The following WDR70 variants were observed in gnomAD, a reference collection of about 807,000 sequenced individuals.
WDR70 encodes WD repeat domain 70.
A neutral mutation model predicts 88.6 loss-of-function variants in WDR70; 53 were observed. The ratio of observed to expected loss-of-function variants is 0.60; its 90% CI spans 0.48 to 0.75. WDR70 has a LOEUF of 0.75. WDR70 is among the 30% of genes least tolerant of loss of function. The pLI is 0.00. For missense variants in WDR70, 610 were observed against 823.2 expected, an observed-to-expected ratio of 0.74 and a Z score of 3.17; for synonymous variants, 280 against 270.0, an observed-to-expected ratio of 1.04 and a Z score of -0.36.
intron 8 of WDR70, among the ~76,000 whole-genome samples, chr5:37,504,885 T>C (rs1337244776): frequency 6.6e-6 from 1 of 152,184 alleles, no homozygotes; most frequent in Non-Finnish European, 1.5e-5. Context: ...GGGGTAGATA[T>C]AAGGACACCA....
intron 9 of WDR70, among the ~76,000 whole-genome samples, chr5:37,538,221 T>G (rs1741718645): frequency 6.6e-6 from 1 of 152,216 alleles, no homozygotes; most frequent in South Asian, 2.1e-4. Flanking sequence ...ATTCTTGCTT[T>G]CTATCTCTCC....
intron 10 of WDR70, among the ~76,000 whole-genome samples, chr5:37,635,567 A>T (rs1241807125): frequency 1.3e-5 from 2 of 152,210 alleles, no homozygotes; most frequent in East Asian, 1.9e-4. Context: ...GTGAATTTTT[A>T]AAAATAGATA....
At chr5:37,612,183 G>A (rs953691892) in intron 10 of WDR70, among the ~76,000 whole-genome samples, 3 of 151,882 alleles carry the variant, frequency 2.0e-5, no homozygotes, top group African/African-American at 4.8e-5. Context: ...AATGTTTCTG[G>A]TATCTTTGAG....
chr5:37,452,261 A>G (rs1738698820), intron 7 of WDR70, among the ~76,000 whole-genome samples: 1 of 146,942 alleles, frequency 6.8e-6, no homozygotes, highest in Non-Finnish European at 1.5e-5. Flanking sequence ...CTTTATTTTG[A>G]GACTGATTTT....
At chr5:37,453,032 AG>A (rs1188364892) in intron 7 of WDR70, among the ~76,000 whole-genome samples, 1 of 152,256 alleles carries the variant, frequency 6.6e-6, no homozygotes, top group Non-Finnish European at 1.5e-5. Context: ...CACTTTAAAA[AG>A]ACTGACATTA....
chr5:37,639,027 C>T (rs756551610), intron 10 of WDR70, among the ~76,000 whole-genome samples: 1 of 151,906 alleles, frequency 6.6e-6, no homozygotes, highest in Non-Finnish European at 1.5e-5. Flanking sequence ...CACTGGCTGC[C>T]CAAGGGATGA....
intron 9 of WDR70, among the ~76,000 whole-genome samples, chr5:37,603,777 T>G (rs1443349322): frequency 6.6e-6 from 1 of 152,236 alleles, no homozygotes; most frequent in Non-Finnish European, 1.5e-5. Context: ...GATAGAATTT[T>G]TCATTGTATC....
intron 9 of WDR70, among the ~76,000 whole-genome samples, chr5:37,572,808 A>C (rs1742946225): frequency 6.6e-6 from 1 of 152,204 alleles, no homozygotes. Context: ...TTTTCTAAAA[A>C]TCACAAATCA....
intron 9 of WDR70, among the ~76,000 whole-genome samples, chr5:37,599,278 TA>T (rs1395264571): frequency 6.6e-5 from 10 of 152,222 alleles, no homozygotes; most frequent in Admixed American, 6.5e-4. Context: ...ACACAATTTT[TA>T]TACATGTACA....
chr5:37,633,123 A>G (rs1744864625), intron 10 of WDR70, among the ~76,000 whole-genome samples: 1 of 152,182 alleles, frequency 6.6e-6, no homozygotes, highest in South Asian at 2.1e-4. Context: ...ACACTCTGTG[A>G]TGTTCACATA....
Position 37,677,424 on chromosome 5 carries a change from G to A in WDR70, c.1093-20231G>A, listed in dbSNP as rs141131694. Among the ~76,000 whole-genome samples the A allele has an allele frequency of 8.3e-3, 1,262 of 152,170 alleles. 13 individuals carry two copies. The highest frequency in any genetic ancestry group is 0.01 in the Non-Finnish European group (690 of 68,016). On this transcript the variant is annotated intron_variant, in intron 10 of 17. Transcript: ENST00000265107. Reference sequence around the variant, plus strand: ...GCTTTGAATGTGTCCCAGAGATTCCGGTATGTTGTCTCTTTGTTCTCATTG... The same window carrying A: ...GCTTTGAATGTGTCCCAGAGATTCCAGTATGTTGTCTCTTTGTTCTCATTG...
In WDR70 at chr5:37,482,948, G is replaced by A. The variant is rs558875649; in HGVS notation, c.840+2961G>A. 2.9e-4 allele frequency among the ~76,000 whole-genome samples: 44 copies of A among 152,238 alleles called. 1 individual carries two copies. The South Asian group carries it at 9.1e-3, about 32-fold the overall frequency. ...TACAGTCCCAGCTACTTGGAAGGCT[G>A]AGGCAGGAGGATTGCTTGATCCCAG... On this transcript the variant is annotated intron_variant, in intron 8 of 17. Coordinates refer to ENST00000265107, the MANE Select transcript of WDR70 (RefSeq NM_018034.4).
At chr5:37,515,902 A>G (rs1284478271) in intron 8 of WDR70, among the ~76,000 whole-genome samples, 1 of 152,228 alleles carries the variant, frequency 6.6e-6, no homozygotes, top group East Asian at 1.9e-4. Context: ...TGTATATGTC[A>G]GTTTACGTAT....
At position 37,600,941 on chromosome 5, in the gene WDR70, G is replaced by A. The variant is rs553796997; in HGVS notation, c.918-4123G>A. ...TTTTTGTTTTTGCTTTTTTGTTTTGGTAGAGTCTTTAGAGTTTTCTGTATG... is the reference window on the plus strand; with the variant it reads ...TTTTTGTTTTTGCTTTTTTGTTTTGATAGAGTCTTTAGAGTTTTCTGTATG... On this transcript the variant is annotated intron_variant, in intron 9 of 17. Transcript: ENST00000265107. Among the ~76,000 whole-genome samples, 9 of 152,112 alleles carry A rather than the reference G, an allele frequency of 5.9e-5. No homozygotes were observed. In the East Asian group the frequency reaches 1.5e-3, roughly 26 times the overall value.
At chr5:37,551,821 A>G (rs1232291639) in intron 9 of WDR70, among the ~76,000 whole-genome samples, 1 of 128,966 alleles carries the variant, frequency 7.8e-6, no homozygotes, top group Non-Finnish European at 1.5e-5. Flanking sequence ...CGCCCAGGCT[A>G]CAGTGCAGTG....
chr5:37,679,561 C>T (rs1291378212), intron 10 of WDR70, among the ~76,000 whole-genome samples: 3 of 152,280 alleles, frequency 2.0e-5, no homozygotes, highest in East Asian at 1.9e-4. Context: ...TCGTGAACCG[C>T]GAATGCTGCT....
intron 10 of WDR70, among the ~76,000 whole-genome samples, chr5:37,649,736 T>C (rs113374284): frequency 8.3e-4 from 56 of 67,684 alleles, no homozygotes; most frequent in African/African-American, 1.8e-3. Context: ...ATTACTTCTT[T>C]TTTTTTTTTT....
chr5:37,705,572 G>A lies in WDR70; in HGVS notation c.1416+2485G>A, dbSNP rs1747298985. ...TTCTGTTTATATATTAGAATGCTATGTTAAATAAATGGGGCTTTTAACAGT... is the reference window on the plus strand; with the variant it reads ...TTCTGTTTATATATTAGAATGCTATATTAAATAAATGGGGCTTTTAACAGT... On this transcript the variant is annotated intron_variant, in intron 13 of 17. Transcript: ENST00000265107. 2.0e-5 allele frequency among the ~76,000 whole-genome samples: 3 copies of A among 151,928 alleles called. No homozygotes were observed. The East Asian group carries it at 5.8e-4, about 29-fold the overall frequency.
At chr5:37,383,321 G>A (rs540500839) in intron 3 of WDR70, among the ~76,000 whole-genome samples, 81 of 152,224 alleles carry the variant, frequency 5.3e-4, no homozygotes, top group Middle Eastern at 3.4e-3. Flanking sequence ...GTGCAATGGC[G>A]TGATCTCAGC....
Sources: gnomAD v4.1 joint callset for allele counts (sites outside exome capture counted in the v4.1 genomes callset) on GRCh38, gnomAD v4.1.1 for gene constraint, MANE v1.5 for transcripts, NCBI Gene and HGNC (gene_info 2026-07-23, HGNC 2026-07-21) for gene names.